MPRIP: variants seen among roughly 807,000 people sequenced by gnomAD.
The protein encoded by MPRIP is myosin phosphatase Rho-interacting protein.
Under a neutral mutation model 234.9 loss-of-function variants are expected in MPRIP, and 59 were observed. That is an observed-to-expected ratio of 0.25 (90% CI 0.20 to 0.31). MPRIP has a LOEUF of 0.31. MPRIP is among the 10% of genes least tolerant of loss of function. The pLI is 1.00. For synonymous variants in MPRIP, 1,144 were observed against 1,263.9 expected (o/e 0.91, Z 2.01); for missense variants, 2,436 against 3,071.0 (o/e 0.79, Z 4.89).
intron 1 of MPRIP, among the ~76,000 whole-genome samples, chr17:17,069,177 A>G (rs2089131076): frequency 6.6e-6 from 1 of 152,180 alleles, no homozygotes; most frequent in Admixed American, 6.5e-5. Flanking sequence ...ATCATTATAT[A>G]ATATTCCTCT....
intron 16 of MPRIP, 123 bp downstream of exon 16, chr17:17,168,038 C>A: frequency 1.2e-6 from 1 of 805,678 alleles, no homozygotes; most frequent in Non-Finnish European, 1.7e-6. Context: ...CCTCTACTTG[C>A]TAGCCATGGT....
At chr17:17,072,547 G>C (rs1597752400) in intron 1 of MPRIP, among the ~76,000 whole-genome samples, 1 of 152,202 alleles carries the variant, frequency 6.6e-6, no homozygotes. Flanking sequence ...GACGGTAATG[G>C]CAGAAGTGAG....
chr17:17,113,885 C>CTTTTTTTTTTT (rs1396154528), intron 3 of MPRIP, among the ~76,000 whole-genome samples: 2 of 98,422 alleles, frequency 2.0e-5, no homozygotes, highest in African/African-American at 8.5e-5. Flanking sequence ...CTTTTCTTTT[C>CTTTTTTTTTTT]TTTTTTTTTT....
chr17:17,098,557 C>T (rs932642103), intron 3 of MPRIP, among the ~76,000 whole-genome samples: 3 of 152,134 alleles, frequency 2.0e-5, no homozygotes, highest in East Asian at 1.9e-4. Context: ...GGAGGGCTGG[C>T]GTGGCATCGG....
chr17:17,144,125 A>G (rs751585180), intron 9 of MPRIP, among the ~76,000 whole-genome samples: 4 of 152,164 alleles, frequency 2.6e-5, no homozygotes, highest in Admixed American at 6.5e-5. Context: ...AGCTATGACA[A>G]CAGAGGTGCG....
At chr17:17,152,908 T>G (rs144603847) in intron 12 of MPRIP, among the ~76,000 whole-genome samples, 2 of 152,280 alleles carry the variant, frequency 1.3e-5, no homozygotes, top group East Asian at 3.9e-4. Context: ...AAGAGCTGAC[T>G]TCACAGAAGC....
rs748808510 is a variant in MPRIP, at chr17:17,154,318, G to A, written c.1732G>A (p.Glu578Lys). The A allele has an allele frequency of 6.8e-6, 11 of 1,614,100 alleles. No individual in the cohort carries two copies. Among genetic ancestry groups the A allele is most frequent in the Middle Eastern group, 1.7e-4 (1 of 6,008 alleles). The part of the protein sequence containing the change: ...YGFQIHTKEG[E>K]FTLSAMTSGI... ...CTTTTCTCTGTAGACAAAGGAGGGCGAGTTTACCCTGTCGGCCATGACATC... is the reference window on the plus strand; with the variant it reads ...CTTTTCTCTGTAGACAAAGGAGGGCAAGTTTACCCTGTCGGCCATGACATC... The change falls in exon 13 of 24, where the codon GAG (glutamate) becomes AAG (lysine). Residue 578 changes from glutamate (E) to lysine (K), a missense_variant. Transcript: ENST00000651222.
rs1009627110 is a variant in MPRIP, at chr17:17,192,062, C to A, written c.*7168C>A. 1.3e-5 allele frequency: 2 copies of A among 152,052 alleles called. No individual in the cohort carries two copies. Among genetic ancestry groups the A allele is most frequent in the Non-Finnish European group, 2.9e-5 (2 of 68,022 alleles). The allele number at this position is 152,052 out of a possible 1,614,324, so 9.4% of individuals were successfully genotyped here. A position where few individuals can be genotyped will look rare whatever the true frequency, so the allele number is the denominator to read the frequency against. On this transcript the variant is annotated 3_prime_UTR_variant, in exon 24 of 24. Coordinates refer to ENST00000651222, the MANE Select transcript of MPRIP (RefSeq NM_001364716.4). ...TTCTGTCAGGGTCAGTGTCAAAATT[C>A]GTTATCAAAGGCAAAACCTACTGTG...
rs750499339 is a variant in MPRIP at position 17,154,355 on chromosome 17, G to A, written c.1769G>A (p.Arg590Gln). The A allele has an allele frequency of 9.3e-6, 15 of 1,614,034 alleles. No homozygotes were observed. Among genetic ancestry groups the A allele is most frequent in the Admixed American group, 1.7e-5 (1 of 59,998 alleles). The change falls in exon 13 of 24, where the codon CGG (arginine) becomes CAG (glutamine). Residue 590 changes from arginine to glutamine, a missense_variant. By Grantham distance (43) the Arg-to-Gln change is conservative. Coordinates refer to ENST00000651222, the MANE Select transcript of MPRIP (RefSeq NM_001364716.4). ...TLSAMTSGIR[R>Q]NWIQTIMKHV... ...TCGGCCATGACATCTGGGATTCGGC[G>A]GAACTGGATCCAGACCATCATGAAG...
At chr17:17,103,677 C>A (rs1567716695) in intron 3 of MPRIP, among the ~76,000 whole-genome samples, 2 of 152,164 alleles carry the variant, frequency 1.3e-5, no homozygotes, top group African/African-American at 4.8e-5. Context: ...AGATCTCCCC[C>A]TTTTATCTGC....
rs1352131574 is a variant in MPRIP, at chr17:17,186,686, T to C, written c.*1792T>C. ...ATCAGTCATGATCGTGTCACTGCAC[T>C]CCAGCCTGGGTGACAAAGCAAGGCC... On this transcript the variant is annotated 3_prime_UTR_variant, in exon 24 of 24. Coordinates refer to ENST00000651222, the MANE Select transcript of MPRIP (RefSeq NM_001364716.4). 1.3e-5 allele frequency: 2 copies of C among 152,218 alleles called. No homozygotes were observed. 9.4% of individuals were successfully genotyped at this position (152,218 alleles called of 1,614,324 possible).
At chr17:17,103,257 T>A (rs921172290) in intron 3 of MPRIP, among the ~76,000 whole-genome samples, 8 of 152,176 alleles carry the variant, frequency 5.3e-5, no homozygotes, top group Admixed American at 2.6e-4. Flanking sequence ...AAAAAAGCAT[T>A]GGTGACGTGT....
intron 13 of MPRIP, among the ~76,000 whole-genome samples, chr17:17,155,390 T>G (rs1356071101): frequency 6.6e-6 from 1 of 152,058 alleles, no homozygotes; most frequent in Non-Finnish European, 1.5e-5. Flanking sequence ...GTAGCTGGGA[T>G]TACCCACCAC....
intron 3 of MPRIP, among the ~76,000 whole-genome samples, chr17:17,096,124 C>T (rs975975776): frequency 5.3e-5 from 8 of 152,128 alleles, no homozygotes; most frequent in African/African-American, 9.7e-5. Flanking sequence ...CGCAGCCTGT[C>T]GACACGTGTT....
intron 1 of MPRIP, among the ~76,000 whole-genome samples, chr17:17,074,564 A>G (rs748020886): frequency 4.2e-4 from 64 of 152,264 alleles, no homozygotes; most frequent in Middle Eastern, 6.8e-3. Context: ...ATGTTGTGCA[A>G]CCATCTCCAC....
intron 3 of MPRIP, among the ~76,000 whole-genome samples, chr17:17,094,217 G>C (rs751080167): frequency 3.3e-5 from 5 of 152,160 alleles, no homozygotes; most frequent in Non-Finnish European, 7.3e-5. Context: ...TTGTGGCCTT[G>C]CCTGTCTCAG....
chr17:17,134,141 T>A (rs185786533), intron 5 of MPRIP, among the ~76,000 whole-genome samples: 113 of 152,364 alleles, frequency 7.4e-4, no homozygotes, highest in Non-Finnish European at 2.4e-4. Flanking sequence ...CTGGGATGTC[T>A]ACTGTCACCC....
rs781431318 is a variant in MPRIP at position 17,137,960 on chromosome 17, G to T, written c.781G>T (p.Val261Phe). ...CGACCGCATGGACTGTGGCCGCAAA[G>T]TCCGGGTGGAGAGCGGCTACTTCTC... is the stretch of plus-strand genomic sequence containing the variant. ...SSDRMDCGRK[V>F]RVESGYFSLE... The change falls in exon 7 of 24, where the codon GTC becomes TTC. Residue 261 changes from valine to phenylalanine, a missense_variant. Physicochemically the swap from Val to Phe is conservative, Grantham distance 50. This residue lies in a region of MPRIP where 267 missense variants were observed against 252.7 expected (regional missense o/e 1.06). Coordinates refer to ENST00000651222, the MANE Select transcript of MPRIP (RefSeq NM_001364716.4). 1.2e-6 allele frequency: 2 copies of T among 1,612,986 alleles called. No homozygotes were observed. Among genetic ancestry groups the T allele is most frequent in the African/African-American group, 2.7e-5 (2 of 74,986 alleles).
At position 17,142,733 on chromosome 17, in the gene MPRIP, C is replaced by T. The variant is rs758365889; in HGVS notation, c.1357C>T (p.Arg453Cys). Residue 453 changes from arginine (R) to cysteine (C), a missense_variant, in exon 8 of 24, where the codon CGC (arginine) becomes TGC (cysteine). Transcript: ENST00000651222. ...ACCATCCAGCGACACACGCCAGGGC[C>T]GCAGCGAGAAGAGGGCGTTCCCTAG... Reference protein sequence around the residue: ...PSPSSDTRQGRSEKRAFPRKR... With the variant: ...PSPSSDTRQGCSEKRAFPRKR... 11 of 1,612,632 alleles carry T rather than the reference C, an allele frequency of 6.8e-6. No individual in the cohort carries two copies. Among genetic ancestry groups the T allele is most frequent in the Middle Eastern group, 1.9e-4 (1 of 5,210 alleles).
Sources: allele counts gnomAD v4.1 joint callset (sites outside exome capture counted in the v4.1 genomes callset), GRCh38; gene constraint gnomAD v4.1.1; regional missense constraint gnomAD v4.1.1; transcripts MANE v1.5; gene names NCBI Gene and HGNC (gene_info 2026-07-23, HGNC 2026-07-21).